INPP5B: variants seen among roughly 807,000 people sequenced by gnomAD.
INPP5B encodes the protein inositol polyphosphate-5-phosphatase B.
A neutral mutation model predicts 118.5 loss-of-function variants in INPP5B; 90 were observed. The ratio of observed to expected loss-of-function variants is 0.76; its 90% CI spans 0.64 to 0.90. The LOEUF is 0.90. Ranked by LOEUF, INPP5B falls within the 40% of genes least tolerant of loss-of-function variation. The pLI, the probability that INPP5B is intolerant of heterozygous loss-of-function variation, is 0.00. For missense variants in INPP5B, 984 were observed against 1,125.6 expected (o/e 0.87, Z 1.80); for synonymous variants, 385 against 418.9 (o/e 0.92, Z 0.99).
At chr1:37,914,774 GT>G (rs2148613047) in intron 7 of INPP5B, among the ~76,000 whole-genome samples, 2 of 152,228 alleles carry the variant, frequency 1.3e-5, no homozygotes, top group East Asian at 3.9e-4. Context: ...GGGTTTAATT[GT>G]TCTTATCTGT....
Position 37,874,167 on chromosome 1 carries a change from C to A in INPP5B, c.1789-12G>T. The A allele has an allele frequency of 6.5e-7, 1 of 1,545,104 alleles. No individual in the cohort carries two copies. The highest frequency in any genetic ancestry group is 1.2e-5 in the South Asian group (1 of 83,870). ...TTCTGAAAACAGAACTGGGAAGAAG[C>A]CCGGGGCCAGTGAAAACCAGTGCCC... On this transcript the variant is annotated splice_polypyrimidine_tract_variant and intron_variant, in intron 17 of 23. Coordinates refer to ENST00000373024, the MANE Select transcript of INPP5B (RefSeq NM_005540.3).
intron 21 of INPP5B, 49 bp from the exon 22 acceptor site, chr1:37,865,937 G>C (rs200324778): frequency 1.1e-5 from 18 of 1,602,690 alleles, no homozygotes; most frequent in Non-Finnish European, 1.5e-5. Flanking sequence ...TCCATGGTTA[G>C]GAAAAGGCCC....
In INPP5B at chr1:37,888,256, C is replaced by T. The variant is rs1643651380; in HGVS notation, c.886G>A (p.Val296Ile). The change falls in exon 10 of 24, where the codon GTC (valine) becomes ATC (isoleucine). Residue 296 changes from valine (V) to isoleucine (I), a missense_variant. Val to Ile is a conservative substitution (Grantham distance 29, BLOSUM62 3). Coordinates refer to ENST00000373024, the MANE Select transcript of INPP5B (RefSeq NM_005540.3). The stretch of plus-strand genomic sequence containing the variant: ...AGAAGCACTCACCCTACACAATAGA[C>T]ATCTGGGGCCTGGATACCATTGCTC... Reference protein sequence around the residue: ...WLSNGIQAPDVYCVGFQELDL... With the variant: ...WLSNGIQAPDIYCVGFQELDL... 2.5e-6 allele frequency: 4 copies of T among 1,575,434 alleles called. No homozygotes were observed. Among genetic ancestry groups the T allele is most frequent in the Non-Finnish European group, 3.4e-6 (4 of 1,160,630 alleles).
rs1044984111 is a variant in INPP5B at position 37,861,733 on chromosome 1, A to C, written c.*582T>G. 1 of 150,502 alleles carries C rather than the reference A, an allele frequency of 6.6e-6. No homozygotes were observed. Among genetic ancestry groups the C allele is most frequent in the African/African-American group, 2.5e-5 (1 of 40,488 alleles). 9.3% of individuals were successfully genotyped at this position (150,502 alleles called of 1,614,324 possible). A position where few individuals can be genotyped will look rare whatever the true frequency, so the allele number is the denominator to read the frequency against. On this transcript the variant is annotated 3_prime_UTR_variant, in exon 24 of 24. Transcript: ENST00000373024. Reference sequence around the variant, plus strand: ...CAACAAGAGTGAAACTCCATCTCAAAAAAGAAAAAAAAAAAAAAAAGGCCG... The same window carrying C: ...CAACAAGAGTGAAACTCCATCTCAACAAAGAAAAAAAAAAAAAAAAGGCCG...
At chr1:37,896,462 G>C (rs577377687) in intron 7 of INPP5B, among the ~76,000 whole-genome samples, 182 of 149,592 alleles carry the variant, frequency 1.2e-3, no homozygotes, top group African/African-American at 4.4e-3. Flanking sequence ...CCCCGTCCGG[G>C]AGGGAGGTGG....
chr1:37,884,513 G>A (rs1643397379), intron 13 of INPP5B, among the ~76,000 whole-genome samples: 2 of 151,920 alleles, frequency 1.3e-5, no homozygotes, highest in Non-Finnish European at 2.9e-5. Flanking sequence ...GAACTCCCGG[G>A]CTCAATCGAT....
chr1:37,878,801 C>T (rs893176446), intron 15 of INPP5B, among the ~76,000 whole-genome samples: 7 of 151,696 alleles, frequency 4.6e-5, no homozygotes, highest in African/African-American at 1.2e-4. Context: ...AGGTGTGCAC[C>T]GCCATGGCTG....
At chr1:37,942,998 G>A (rs547300902) in intron 5 of INPP5B, among the ~76,000 whole-genome samples, 3 of 152,044 alleles carry the variant, frequency 2.0e-5, no homozygotes, top group South Asian at 2.1e-4. Context: ...GATTTTTTGG[G>A]GGTTTTTTGT....
intron 7 of INPP5B, among the ~76,000 whole-genome samples, chr1:37,898,120 A>G (rs1644191823): frequency 6.6e-6 from 1 of 152,226 alleles, no homozygotes; most frequent in Non-Finnish European, 1.5e-5. Flanking sequence ...AAGCCATGAA[A>G]ATACATGAAT....
At chr1:37,865,721 G>A in intron 22 of INPP5B, 40 bp downstream of exon 22, 1 of 1,604,750 alleles carries the variant, frequency 6.2e-7, no homozygotes, top group African/African-American at 1.3e-5. Flanking sequence ...GCCCCATGGG[G>A]TCTGGGGCTA....
At chr1:37,890,505 G>A (rs931003113) in intron 8 of INPP5B, among the ~76,000 whole-genome samples, 7 of 152,018 alleles carry the variant, frequency 4.6e-5, no homozygotes, top group African/African-American at 1.2e-4. Context: ...ATTTATAGTC[G>A]TAACTAAAAT....
chr1:37,941,710 G>A lies in INPP5B; in HGVS notation c.281-912C>T, dbSNP rs549932134. 1.3e-3 allele frequency among the ~76,000 whole-genome samples: 189 copies of A among 149,190 alleles called. 1 individual carries two copies. Among genetic ancestry groups the A allele is most frequent in the Middle Eastern group, 6.9e-3 (2 of 290 alleles). ...TCCCAGCACTTTGGGAGGCCGAGGC[G>A]GGCGGATCACGAGGTCAGGAGATCG... On this transcript the variant is annotated intron_variant, in intron 5 of 23. Coordinates refer to ENST00000373024, the MANE Select transcript of INPP5B (RefSeq NM_005540.3).
At chr1:37,897,045 G>C (rs1220366413) in intron 7 of INPP5B, among the ~76,000 whole-genome samples, 8 of 148,154 alleles carry the variant, frequency 5.4e-5, no homozygotes, top group African/African-American at 1.7e-4. Context: ...CCTCTGCCCG[G>C]CTGCCCCTAC....
chr1:37,940,653 C>T, intron 6 of INPP5B, 35 bp downstream of exon 6: 1 of 1,326,040 alleles, frequency 7.5e-7, no homozygotes, highest in Non-Finnish European at 1.1e-6. Context: ...ACCCAGCAAC[C>T]CACCCACCCC....
At chr1:37,875,749 G>A in intron 16 of INPP5B, 33 bp from the exon 17 acceptor site, 12 of 1,519,686 alleles carry the variant, frequency 7.9e-6, no homozygotes, top group Non-Finnish European at 1.1e-5. Context: ...TGAGTACCTT[G>A]GCTTCTGCCC....
intron 7 of INPP5B, among the ~76,000 whole-genome samples, chr1:37,897,131 G>A (rs113555779): frequency 0.26 from 38,188 of 148,078 alleles, 5,005 homozygotes; most frequent in Non-Finnish European, 0.28. Context: ...ACCCCCGTCC[G>A]GCCAGCCGCC....
At chr1:37,943,035 T>A (rs1207260374) in intron 5 of INPP5B, among the ~76,000 whole-genome samples, 1 of 151,740 alleles carries the variant, frequency 6.6e-6, no homozygotes, top group African/African-American at 2.4e-5. Flanking sequence ...AGTTTCACTC[T>A]TGTTGCCCAG....
chr1:37,912,950 A>T (rs1286169254), intron 7 of INPP5B, among the ~76,000 whole-genome samples: 3 of 9,820 alleles, frequency 3.1e-4, no homozygotes, highest in African/African-American at 2.3e-3. Flanking sequence ...ACTCACTGCT[A>T]AAAAAAAAAA....
Position 37,931,336 on chromosome 1 carries a change from T to C in INPP5B, c.532+577A>G. The C allele has an allele frequency of 3.0e-6, 3 of 996,998 alleles. No homozygotes were observed. In the South Asian group the frequency reaches 5.0e-5, roughly 17 times the overall value. The allele number at this position is 996,998 out of a possible 1,614,324, so 61.8% of individuals were successfully genotyped here. A position where few individuals can be genotyped will look rare whatever the true frequency, so the allele number is the denominator to read the frequency against. ...CGCCCCACGCGACAAACTCGGAAGA[T>C]CAGGATTGAAGAGCAAGCTCAGATG... On this transcript the variant is annotated intron_variant, in intron 7 of 23. Transcript: ENST00000373024.
Sources: gnomAD v4.1 joint callset for allele counts (sites outside exome capture counted in the v4.1 genomes callset) on GRCh38, gnomAD v4.1.1 for gene constraint, MANE v1.5 for transcripts, NCBI Gene and HGNC (gene_info 2026-07-23, HGNC 2026-07-21) for gene names.